PALS1: variants seen among roughly 807,000 people sequenced by gnomAD.
PALS1 encodes the protein protein associated with LIN7 1, MAGUK p55 family member.
Under a neutral mutation model 78.9 loss-of-function variants are expected in PALS1, and 31 were observed. The ratio of observed to expected loss-of-function variants is 0.39; its 90% CI spans 0.30 to 0.53. The LOEUF (loss-of-function observed/expected upper bound fraction) is 0.53. Ranked by LOEUF, PALS1 falls within the 20% of genes least tolerant of loss-of-function variation. PALS1 has a pLI of 0.67. For missense variants in PALS1, 704 were observed against 826.5 expected, an observed-to-expected ratio of 0.85 and a Z score of 1.82; for synonymous variants, 276 against 270.9, an observed-to-expected ratio of 1.02 and a Z score of -0.18.
chr14:67,327,690 C>T (rs1055425756), intron 14 of PALS1, among the ~76,000 whole-genome samples: 1 of 151,874 alleles, frequency 6.6e-6, no homozygotes, highest in Non-Finnish European at 1.5e-5. Context: ...CACCCTGTGT[C>T]CTGGTGTTCT....
At chr14:67,290,209 A>T (rs953809986) in intron 3 of PALS1, among the ~76,000 whole-genome samples, 1 of 152,176 alleles carries the variant, frequency 6.6e-6, no homozygotes, top group African/African-American at 2.4e-5. Flanking sequence ...GAAAGAGGGA[A>T]TGGGAGGTAA....
intron 2 of PALS1, among the ~76,000 whole-genome samples, chr14:67,275,094 A>C (rs2084479404): frequency 6.6e-6 from 1 of 152,124 alleles, no homozygotes; most frequent in African/African-American, 2.4e-5. Flanking sequence ...CTCTTTTCCT[A>C]ATTGAATACC....
Position 67,329,650 on chromosome 14 carries a change from G to A in PALS1, c.1852-3130G>A, listed in dbSNP as rs74463697. 3.9e-3 allele frequency among the ~76,000 whole-genome samples: 591 copies of A among 151,860 alleles called. 17 individuals are homozygous for A. In the East Asian group the frequency reaches 0.088, roughly 23 times the overall value. ...AGCTCTTATTATTTTGAGATACGGC[G>A]GACGCATCACTTGAGGCCAGGAGTT... On this transcript the variant is annotated intron_variant, in intron 14 of 14. Transcript: ENST00000261681.
At chr14:67,284,254 A>G (rs949509661) in intron 3 of PALS1, among the ~76,000 whole-genome samples, 1 of 152,016 alleles carries the variant, frequency 6.6e-6, no homozygotes, top group South Asian at 2.1e-4. Flanking sequence ...TTCACATACC[A>G]TAAAATTTTG....
intron 1 of PALS1, among the ~76,000 whole-genome samples, chr14:67,248,243 A>G (rs2084015475): frequency 6.6e-6 from 1 of 152,176 alleles, no homozygotes. Context: ...TTAAAAATGA[A>G]GGAGCAATGT....
intron 8 of PALS1, chr14:67,312,317 C>T: frequency 2.9e-6 from 1 of 349,098 alleles, no homozygotes; most frequent in Non-Finnish European, 5.0e-6. Context: ...GTGGCTCACA[C>T]CTATAATCCC....
chr14:67,329,847 T>C (rs2085418420), intron 14 of PALS1, among the ~76,000 whole-genome samples: 1 of 108,920 alleles, frequency 9.2e-6, no homozygotes, highest in Non-Finnish European at 1.6e-5. Context: ...AATAAATAAA[T>C]AAATAAATAA....
At chr14:67,242,793 A>G (rs889001259) in intron 1 of PALS1, among the ~76,000 whole-genome samples, 1 of 152,238 alleles carries the variant, frequency 6.6e-6, no homozygotes, top group African/African-American at 2.4e-5. Context: ...AAAATCTGGT[A>G]AATTTTACCA....
chr14:67,269,667 A>G (rs749000120), intron 1 of PALS1, 34 bp from the exon 2 acceptor site: 13 of 152,698 alleles, frequency 8.5e-5, no homozygotes, highest in Non-Finnish European at 1.6e-4. Flanking sequence ...AGACATGTAC[A>G]TTTGATCAAT....
At chr14:67,301,332 G>C in intron 4 of PALS1, 57 bp from the exon 5 acceptor site, 1 of 1,093,444 alleles carries the variant, frequency 9.1e-7, no homozygotes, top group Non-Finnish European at 1.4e-6. Context: ...CCTGCATACA[G>C]GTGCTACTGA....
chr14:67,319,037 G>A (rs1045989397), intron 11 of PALS1, among the ~76,000 whole-genome samples: 9 of 149,378 alleles, frequency 6.0e-5, no homozygotes, highest in Admixed American at 2.7e-4. Flanking sequence ...CAGCCTGGGC[G>A]ACAGAGCGAG....
At chr14:67,312,963 T>C (rs943820392) in intron 9 of PALS1, among the ~76,000 whole-genome samples, 4 of 152,192 alleles carry the variant, frequency 2.6e-5, no homozygotes, top group Non-Finnish European at 4.4e-5. Context: ...CCTGTATACA[T>C]ATTAAGATGA....
chr14:67,249,295 G>A (rs1461805745), intron 1 of PALS1, among the ~76,000 whole-genome samples: 1 of 152,174 alleles, frequency 6.6e-6, no homozygotes, highest in African/African-American at 2.4e-5. Context: ...AAATCAGCAG[G>A]AGAAATGACA....
chr14:67,260,614 G>A (rs1390670239), intron 1 of PALS1, among the ~76,000 whole-genome samples: 1 of 152,098 alleles, frequency 6.6e-6, no homozygotes, highest in Non-Finnish European at 1.5e-5. Context: ...GATACTTGAT[G>A]GAAGAGGAAA....
At chr14:67,273,605 C>T (rs2084450560) in intron 2 of PALS1, among the ~76,000 whole-genome samples, 1 of 152,136 alleles carries the variant, frequency 6.6e-6, no homozygotes, top group Non-Finnish European at 1.5e-5. Flanking sequence ...GTCTTTATAG[C>T]AGCATGATTT....
At chr14:67,309,351 T>C (rs1364010659) in intron 8 of PALS1, among the ~76,000 whole-genome samples, 1 of 152,212 alleles carries the variant, frequency 6.6e-6, no homozygotes, top group African/African-American at 2.4e-5. Flanking sequence ...ACCCAGACTT[T>C]AACTCATTCA....
chr14:67,254,182 C>CTTTTTTTT (rs78097877), intron 1 of PALS1: 23 of 118,424 alleles, frequency 1.9e-4, no homozygotes, highest in Non-Finnish European at 3.1e-4. Context: ...AAGTGTCTTT[C>CTTTTTTTT]TTTTTTTTTT....
chr14:67,287,245 T>C (rs938743815), intron 3 of PALS1, among the ~76,000 whole-genome samples: 12 of 151,228 alleles, frequency 7.9e-5, no homozygotes, highest in African/African-American at 2.7e-4. Context: ...AAAAAGACAC[T>C]GGAGATTCTG....
chr14:67,332,923 A>G lies in PALS1; in HGVS notation c.1995A>G (p.Glu665=). 1.2e-6 allele frequency: 2 copies of G among 1,613,130 alleles called. No individual in the cohort carries two copies. ...GGTTAATTAACAAACTTGATACTGA[A>G]CCTCAGTGGGTACCATCCACTTGGC... ...LLRLINKLDT[E]PQWVPSTWLR The change falls in exon 15 of 15, where the codon GAA becomes GAG. Residue 665 remains glutamate, a synonymous_variant. Transcript: ENST00000261681.
Sources: allele counts gnomAD v4.1 joint callset (sites outside exome capture counted in the v4.1 genomes callset), GRCh38; gene constraint gnomAD v4.1.1; transcripts MANE v1.5; gene names NCBI Gene and HGNC (gene_info 2026-07-23, HGNC 2026-07-21).